Variants in NCAM1 observed in about 807,000 individuals in gnomAD.
NCAM1 encodes the protein antigen recognized by monoclonal antibody 5.1H11.
NCAM1 carries 14 observed loss-of-function variants against 109.8 expected under a neutral mutation model. The ratio of observed to expected loss-of-function variants is 0.13; its 90% CI spans 0.08 to 0.20. The LOEUF is 0.20. Among genes scored for constraint, NCAM1 ranks in the 10% least tolerant of loss-of-function variants. NCAM1 has a pLI of 1.00. For missense variants in NCAM1, 774 were observed against 1,109.9 expected (o/e 0.70, Z 4.30); for synonymous variants, 418 against 442.9 (o/e 0.94, Z 0.70).
chr11:112,965,006 A>G (rs908284627), intron 1 of NCAM1, among the ~76,000 whole-genome samples: 11 of 152,158 alleles, frequency 7.2e-5, no homozygotes, highest in Non-Finnish European at 1.0e-4. Context: ...TTAATGCTTT[A>G]TGAACGCCCT....
At chr11:113,215,316 A>G (rs1198381348) in intron 8 of NCAM1, among the ~76,000 whole-genome samples, 1 of 152,142 alleles carries the variant, frequency 6.6e-6, no homozygotes, top group East Asian at 1.9e-4. Flanking sequence ...AAACCGTCTT[A>G]TGGTACTTCT....
At chr11:113,113,593 G>C (rs191448047) in intron 1 of NCAM1, among the ~76,000 whole-genome samples, 6 of 152,290 alleles carry the variant, frequency 3.9e-5, no homozygotes, top group Admixed American at 2.6e-4. Context: ...TTGGCAATCT[G>C]TGGACTGGTG....
intron 1 of NCAM1, among the ~76,000 whole-genome samples, chr11:112,995,604 G>A (rs148483805): frequency 1.8e-3 from 277 of 152,310 alleles, no homozygotes; most frequent in South Asian, 8.3e-3. Flanking sequence ...GCACTAATTA[G>A]CATGCTATTA....
chr11:113,081,277 G>A (rs115100424), intron 1 of NCAM1, among the ~76,000 whole-genome samples: 5,257 of 152,258 alleles, frequency 0.035, 329 homozygotes, highest in African/African-American at 0.12. Flanking sequence ...GTCCCGTGAG[G>A]TAAAGGAGTC....
chr11:113,026,126 G>T (rs148537144), intron 1 of NCAM1, among the ~76,000 whole-genome samples: 1 of 152,112 alleles, frequency 6.6e-6, no homozygotes, highest in African/African-American at 2.4e-5. Context: ...ATATTTCAAA[G>T]GAATTACAAA....
chr11:113,198,104 T>G (rs1346900857), intron 1 of NCAM1, among the ~76,000 whole-genome samples: 5 of 152,168 alleles, frequency 3.3e-5, no homozygotes, highest in Admixed American at 1.3e-4. Flanking sequence ...TTTACTCAAC[T>G]GAGGTGGGGA....
chr11:113,136,085 A>C, intron 1 of NCAM1, among the ~76,000 whole-genome samples: 1 of 152,196 alleles, frequency 6.6e-6, no homozygotes, highest in East Asian at 1.9e-4. Context: ...TGGGAGGCTG[A>C]GGAGACAGGT....
chr11:113,014,301 C>T (rs531774832), intron 1 of NCAM1, among the ~76,000 whole-genome samples: 70 of 152,164 alleles, frequency 4.6e-4, no homozygotes, highest in African/African-American at 1.4e-3. Flanking sequence ...CAGGGCAAGC[C>T]GTTTGATGGA....
rs1945065182 is a variant in NCAM1 at position 113,233,302 on chromosome 11, T to C, written c.1678T>C (p.Tyr560His). 6.2e-7 allele frequency: 1 copy of C among 1,613,234 alleles called. No homozygotes were observed. The highest frequency in any genetic ancestry group is 8.5e-7 in the Non-Finnish European group (1 of 1,179,628). The change falls in exon 13 of 20, where the codon TAT (tyrosine) becomes CAT (histidine). Residue 560 changes from tyrosine to histidine, a missense_variant. Coordinates refer to ENST00000316851, the MANE Select transcript of NCAM1 (RefSeq NM_181351.5). The surrounding 1 kb of genome is among the most constrained non-coding windows in gnomAD (Gnocchi z 4.5). ...VGEEVWHSKWYDAKEASMEGI... is the reference protein window; with the variant it reads ...VGEEVWHSKWHDAKEASMEGI... ...TGAAGAAGTATGGCATTCCAAGTGG[T>C]ATGATGCCAAGGAAGGTGAGTTGGG...
intron 1 of NCAM1, among the ~76,000 whole-genome samples, chr11:112,997,597 T>C (rs1951629597): frequency 1.3e-5 from 2 of 152,150 alleles, no homozygotes; most frequent in Admixed American, 1.3e-4. Flanking sequence ...ATTTAATTTA[T>C]TAGATAATAA....
At chr11:113,192,123 A>G (rs1943696095) in intron 1 of NCAM1, among the ~76,000 whole-genome samples, 1 of 152,256 alleles carries the variant, frequency 6.6e-6, no homozygotes, top group Non-Finnish European at 1.5e-5. Flanking sequence ...GCCTTGTATC[A>G]GTACCTTTTT....
chr11:113,271,663 C>T lies in NCAM1; in HGVS notation c.2340-97C>T, dbSNP rs1946277708. The T allele has an allele frequency of 6.1e-6, 5 of 817,008 alleles. No homozygotes were observed. The South Asian group carries it at 7.4e-5, about 12-fold the overall frequency. The allele number at this position is 817,008 out of a possible 1,614,324, so 50.6% of individuals were successfully genotyped here. ...ATTTGAATCTGTTGGCTCTGGATGC[C>T]CACCGTGCCAGCCTTGGGTTGAGTC... On this transcript the variant is annotated intron_variant, in intron 18 of 19. Coordinates refer to ENST00000316851, the MANE Select transcript of NCAM1 (RefSeq NM_181351.5).
intron 1 of NCAM1, among the ~76,000 whole-genome samples, chr11:113,000,072 C>G (rs78866874): frequency 3.4e-4 from 52 of 152,026 alleles, no homozygotes; most frequent in African/African-American, 1.3e-3. Context: ...GTAGACCTGG[C>G]CTGATATTCT....
At chr11:113,099,211 A>C (rs954001249) in intron 1 of NCAM1, among the ~76,000 whole-genome samples, 11 of 152,292 alleles carry the variant, frequency 7.2e-5, no homozygotes, top group African/African-American at 2.6e-4. Flanking sequence ...TGAGGAGTCC[A>C]TGATTTTAAT....
chr11:113,141,204 A>G (rs1385843580), intron 1 of NCAM1, among the ~76,000 whole-genome samples: 1 of 152,234 alleles, frequency 6.6e-6, no homozygotes, highest in African/African-American at 2.4e-5. Context: ...AGAGAAAAAC[A>G]GATGAGAGAA....
chr11:113,066,244 T>A (rs1392885602), intron 1 of NCAM1, among the ~76,000 whole-genome samples: 1 of 152,170 alleles, frequency 6.6e-6, no homozygotes, highest in Non-Finnish European at 1.5e-5. Flanking sequence ...AGGCAAGAAA[T>A]GATTCTCTAA....
At chr11:113,027,170 T>C (rs1237843694) in intron 1 of NCAM1, among the ~76,000 whole-genome samples, 1 of 152,250 alleles carries the variant, frequency 6.6e-6, no homozygotes, top group East Asian at 1.9e-4. Context: ...GACAGCCTCT[T>C]TCACTGTTGC....
intron 1 of NCAM1, among the ~76,000 whole-genome samples, chr11:113,103,656 A>G (rs1939983717): frequency 6.6e-6 from 1 of 152,124 alleles, no homozygotes; most frequent in Non-Finnish European, 1.5e-5. Context: ...AAGATTTGGG[A>G]TGAAATGTCC....
chr11:113,233,194 A>ACAGC lies in NCAM1; in HGVS notation c.1572_1575dup (p.Gln526SerfsTer6). On this transcript the variant is annotated frameshift_variant, in exon 13 of 20. Transcript: ENST00000316851. LOFTEE classifies it high-confidence loss of function. The surrounding 1 kb of genome is among the most constrained non-coding windows in gnomAD (Gnocchi z 4.5). ...CGACCAGGTGGAGCCATACTCCAGCACAGCCCAGGTGCAGTTTGATGAACC... is the reference window on the plus strand; with the variant it reads ...CGACCAGGTGGAGCCATACTCCAGCACAGCCAGCCCAGGTGCAGTTTGATGAACC... 6.2e-7 allele frequency: 1 copy of ACAGC among 1,613,864 alleles called. No homozygotes were observed. The highest frequency in any genetic ancestry group is 8.5e-7 in the Non-Finnish European group (1 of 1,179,856).
Sources: allele counts gnomAD v4.1 joint callset (sites outside exome capture counted in the v4.1 genomes callset), GRCh38; gene constraint gnomAD v4.1.1; non-coding constraint Gnocchi (gnomAD v3.1); transcripts MANE v1.5; gene names NCBI Gene and HGNC (gene_info 2026-07-23, HGNC 2026-07-21).